AGAP1: variants seen among roughly 807,000 people sequenced by gnomAD.
AGAP1 encodes the protein arf-GAP with GTPase, ANK repeat and PH domain-containing protein 1.
In AGAP1, 29 loss-of-function variants were observed where a neutral mutation model predicts 105.3. The observed-to-expected ratio is 0.28, with a 90% CI of 0.21 to 0.38. The LOEUF (loss-of-function observed/expected upper bound fraction) is 0.38. AGAP1 is among the 10% of genes least tolerant of loss of function. AGAP1 has a pLI of 1.00. For missense variants in AGAP1, 998 were observed against 1,165.1 expected (o/e 0.86, Z 2.09); for synonymous variants, 509 against 485.9 (o/e 1.05, Z -0.63).
At position 236,125,501 on chromosome 2, in the gene AGAP1, TAGAA is replaced by T. The variant is rs1308959989; in HGVS notation, c.*1382_*1385del. 7 of 152,156 alleles carry T rather than the reference TAGAA, an allele frequency of 4.6e-5. No homozygotes were observed. The highest frequency in any genetic ancestry group is 1.0e-4 in the Non-Finnish European group (7 of 68,032). 9.4% of individuals were successfully genotyped at this position (152,156 alleles called of 1,614,324 possible). A position where few individuals can be genotyped will look rare whatever the true frequency, so the allele number is the denominator to read the frequency against. ...AAAAAAAAGACACACTGGAGTATAT[TAGAA>T]AGGAAAAAGAAGGAATGTGGTCTCT... On this transcript the variant is annotated 3_prime_UTR_variant, in exon 18 of 18. Coordinates refer to ENST00000304032, the MANE Select transcript of AGAP1 (RefSeq NM_001037131.3). The surrounding 1 kb of genome is among the most constrained non-coding windows in gnomAD (Gnocchi z 5.2).
chr2:235,777,060 G>GTAT lies in AGAP1; in HGVS notation c.674-20696_674-20694dup. The GTAT allele has an allele frequency of 2.1e-6, 1 of 471,174 alleles. No individual in the cohort carries two copies. Among genetic ancestry groups the GTAT allele is most frequent in the Middle Eastern group, 3.3e-4 (1 of 3,074 alleles). 29.2% of individuals were successfully genotyped at this position (471,174 alleles called of 1,614,324 possible). ...CTGGATCCTGCAGAGAAACGAGGAA[G>GTAT]TATTAGACAGAAGTGATGCTGGGCG... On this transcript the variant is annotated intron_variant, in intron 6 of 17. Transcript: ENST00000304032. The surrounding 1 kb of genome is among the most constrained non-coding windows in gnomAD (Gnocchi z 5.1).
chr2:235,959,160 C>T lies in AGAP1; in HGVS notation c.1484-9302C>T, dbSNP rs571372215. ...TTAGCCTCTCCCCTCCCATACTTAA[C>T]GCCGTCGACAGTAGTCGTCTGTCCC... On this transcript the variant is annotated intron_variant, in intron 12 of 17. Transcript: ENST00000304032. This position sits in a 1 kb window ranked among gnomAD's most constrained non-coding sequence, Gnocchi z 7.3. Among the ~76,000 whole-genome samples the T allele has an allele frequency of 6.6e-6, 1 of 152,298 alleles. No homozygotes were observed. Among genetic ancestry groups the T allele is most frequent in the East Asian group, 1.9e-4 (1 of 5,162 alleles).
chr2:235,590,607 C>T (rs1945292372), intron 1 of AGAP1, among the ~76,000 whole-genome samples: 1 of 151,622 alleles, frequency 6.6e-6, no homozygotes, highest in Non-Finnish European at 1.5e-5. Flanking sequence ...CAGAACCTGC[C>T]AGGATAGGCC....
intron 6 of AGAP1, among the ~76,000 whole-genome samples, chr2:235,786,021 GA>G (rs1165672956): frequency 1.3e-5 from 2 of 152,338 alleles, no homozygotes; most frequent in African/African-American, 4.8e-5. Flanking sequence ...ACCTTCAGGG[GA>G]TGGCAGAAAC....
rs1393900497 is a variant in AGAP1 at position 235,608,327 on chromosome 2, T to C, written c.164-100852T>C. Among the ~76,000 whole-genome samples the C allele has an allele frequency of 6.6e-6, 1 of 152,146 alleles. No individual in the cohort carries two copies. The highest frequency in any genetic ancestry group is 1.5e-5 in the Non-Finnish European group (1 of 68,018). On this transcript the variant is annotated intron_variant, in intron 1 of 17. Coordinates refer to ENST00000304032, the MANE Select transcript of AGAP1 (RefSeq NM_001037131.3). The surrounding 1 kb of genome is among the most constrained non-coding windows in gnomAD (Gnocchi z 5.4). ...TGTAAAATTCCATTGTGTCTTTTTT[T>C]CCCCCAAGTAATCTGGCTCTGGGAG...
chr2:235,878,264 C>T (rs1419538735), intron 9 of AGAP1, among the ~76,000 whole-genome samples: 1 of 152,200 alleles, frequency 6.6e-6, no homozygotes, highest in African/African-American at 2.4e-5. Context: ...GTGTAACCAG[C>T]GTTCAATGCA....
intron 1 of AGAP1, chr2:235,507,091 G>C (rs766803741): frequency 6.5e-6 from 1 of 152,878 alleles, no homozygotes; most frequent in Non-Finnish European, 1.5e-5. Context: ...CTCTGTAGTC[G>C]TGAGTCGTCT....
Position 235,784,206 on chromosome 2 carries a change from C to G in AGAP1, c.674-13553C>G, listed in dbSNP as rs557313355. ...TACATTAAGATGGGTCCAGATAAAC[C>G]TAATTTAATGTGATGTGCTTTCTCA... On this transcript the variant is annotated intron_variant, in intron 6 of 17. Transcript: ENST00000304032. Among the ~76,000 whole-genome samples the G allele has an allele frequency of 9.9e-5, 15 of 152,032 alleles. No homozygotes were observed. The East Asian group carries it at 2.3e-3, about 24-fold the overall frequency.
At chr2:235,681,373 T>C (rs1949064682) in intron 1 of AGAP1, among the ~76,000 whole-genome samples, 1 of 152,210 alleles carries the variant, frequency 6.6e-6, no homozygotes, top group Admixed American at 6.5e-5. Context: ...AAGCATGCAC[T>C]AGAGCGTGAC....
At chr2:235,848,900 C>T (rs1483554831) in intron 9 of AGAP1, among the ~76,000 whole-genome samples, 1 of 152,176 alleles carries the variant, frequency 6.6e-6, no homozygotes, top group African/African-American at 2.4e-5. Flanking sequence ...CTCCTTCCTG[C>T]CCATCTCAGT....
intron 1 of AGAP1, among the ~76,000 whole-genome samples, chr2:235,538,460 T>TGTGTGTGTGTGTGC (rs1553561884): frequency 0.014 from 2,142 of 150,438 alleles, 44 homozygotes; most frequent in African/African-American, 0.047. Flanking sequence ...TGTGTGTGTG[T>TGTGTGTGTGTGTGC]GCATGCTTGT....
In AGAP1 at chr2:236,109,825, G is replaced by A. The variant is rs1324604302; in HGVS notation, c.2115-10367G>A. ...CAATTCACGTCAACACCCACGGGCA[G>A]CTTACAGCTGCCCCATTGGGGGGCA... is the stretch of plus-strand genomic sequence containing the variant. On this transcript the variant is annotated intron_variant, in intron 16 of 17. Transcript: ENST00000304032. The surrounding 1 kb of genome is among the most constrained non-coding windows in gnomAD (Gnocchi z 5.4). Among the ~76,000 whole-genome samples the A allele has an allele frequency of 1.3e-5, 2 of 152,390 alleles. No homozygotes were observed. The highest frequency in any genetic ancestry group is 4.8e-5 in the African/African-American group (2 of 41,600).
intron 12 of AGAP1, among the ~76,000 whole-genome samples, chr2:235,956,502 C>A (rs1468805252): frequency 6.6e-6 from 1 of 152,012 alleles, no homozygotes; most frequent in Non-Finnish European, 1.5e-5. Context: ...ACCAGCTGGC[C>A]CTCTGGCATG....
rs190712849 is a variant in AGAP1 at position 236,096,815 on chromosome 2, C to A, written c.2115-23377C>A. Among the ~76,000 whole-genome samples the A allele has an allele frequency of 6.2e-4, 95 of 152,078 alleles. 1 individual carries two copies. In the East Asian group the frequency reaches 0.018, roughly 29 times the overall value. On this transcript the variant is annotated intron_variant, in intron 16 of 17. Coordinates refer to ENST00000304032, the MANE Select transcript of AGAP1 (RefSeq NM_001037131.3). This position sits in a 1 kb window ranked among gnomAD's most constrained non-coding sequence, Gnocchi z 4.4. ...GCCAGGCTGGTCTCGAGCTCCCAAC[C>A]TCAAGTGATTCACCCCGGCCTCCCA...
intron 1 of AGAP1, among the ~76,000 whole-genome samples, chr2:235,528,541 G>C (rs1028637856): frequency 6.6e-6 from 1 of 152,184 alleles, no homozygotes; most frequent in Non-Finnish European, 1.5e-5. Context: ...AGATGCTCGA[G>C]AGATTGTCAT....
intron 11 of AGAP1, among the ~76,000 whole-genome samples, chr2:235,916,347 G>A (rs572534760): frequency 6.9e-4 from 105 of 152,210 alleles, no homozygotes; most frequent in Non-Finnish European, 1.3e-3. Context: ...ACATTTTGGA[G>A]AATCTTCCCA....
rs528556230 is a variant in AGAP1, at chr2:235,932,161, C to T, written c.1483+1238C>T. ...TCTTTGTAACCACTGCATGCCCCAG[C>T]GGGCCTGGTAGTCAGCCTTTCATCA... On this transcript the variant is annotated intron_variant, in intron 12 of 17. Coordinates refer to ENST00000304032, the MANE Select transcript of AGAP1 (RefSeq NM_001037131.3). Among the ~76,000 whole-genome samples the T allele has an allele frequency of 9.8e-5, 15 of 152,346 alleles. No individual in the cohort carries two copies. The South Asian group carries it at 2.1e-3, about 21-fold the overall frequency.
chr2:235,969,090 A>G (rs1232515529), intron 13 of AGAP1, among the ~76,000 whole-genome samples: 1 of 152,282 alleles, frequency 6.6e-6, no homozygotes, highest in Non-Finnish European at 1.5e-5. Flanking sequence ...TATGATAAAC[A>G]CTTCTTCTGT....
At chr2:235,670,356 G>T (rs1219668021) in intron 1 of AGAP1, 8 of 525,224 alleles carry the variant, frequency 1.5e-5, no homozygotes, top group Non-Finnish European at 2.4e-5. Flanking sequence ...GAGGGTCCCC[G>T]GCCGCGCGCT....
Sources: allele counts gnomAD v4.1 joint callset (sites outside exome capture counted in the v4.1 genomes callset), GRCh38; gene constraint gnomAD v4.1.1; non-coding constraint Gnocchi (gnomAD v3.1); transcripts MANE v1.5; gene names NCBI Gene and HGNC (gene_info 2026-07-23, HGNC 2026-07-21).